CNIH3: variants seen among roughly 807,000 people sequenced by gnomAD.
CNIH3 encodes the protein cornichon family AMPA receptor auxiliary protein 3.
A neutral mutation model predicts 24.1 loss-of-function variants in CNIH3; 14 were observed. That is an observed-to-expected ratio of 0.58 (90% CI 0.38 to 0.91). The LOEUF (loss-of-function observed/expected upper bound fraction) is 0.91. CNIH3 is among the 40% of genes least tolerant of loss of function. The pLI is 0.00. For missense variants in CNIH3, 178 were observed against 196.8 expected (o/e 0.90, Z 0.57); for synonymous variants, 68 against 73.8 (o/e 0.92, Z 0.40).
intron 3 of CNIH3, among the ~76,000 whole-genome samples, chr1:224,605,918 A>G (rs1055873255): frequency 1.3e-5 from 2 of 152,194 alleles, no homozygotes; most frequent in African/African-American, 4.8e-5. Flanking sequence ...TGTCAATTAA[A>G]TGCTTTCTTT....
intron 1 of CNIH3, among the ~76,000 whole-genome samples, chr1:224,643,018 A>G (rs1238691632): frequency 6.6e-6 from 1 of 152,088 alleles, no homozygotes; most frequent in African/African-American, 2.4e-5. Flanking sequence ...AGGGTCCTCC[A>G]TTTCTGCCTG....
chr1:224,573,138 A>G (rs1680892206), intron 4 of CNIH3, among the ~76,000 whole-genome samples: 1 of 152,190 alleles, frequency 6.6e-6, no homozygotes, highest in African/African-American at 2.4e-5. Flanking sequence ...GTATTTTAGT[A>G]ACTTGAGTCT....
intron 1 of CNIH3, among the ~76,000 whole-genome samples, chr1:224,466,187 C>T (rs898774035): frequency 6.6e-6 from 1 of 152,224 alleles, no homozygotes; most frequent in African/African-American, 2.4e-5. Context: ...ATTGCCACCA[C>T]AATCAAGATA....
At chr1:224,461,774 C>G (rs1343595866) in intron 1 of CNIH3, among the ~76,000 whole-genome samples, 2 of 152,168 alleles carry the variant, frequency 1.3e-5, no homozygotes, top group Non-Finnish European at 2.9e-5. Flanking sequence ...AAAAGAAAAC[C>G]CATATCAATT....
At chr1:224,637,218 G>T (rs1453995024) in intron 1 of CNIH3, among the ~76,000 whole-genome samples, 2 of 152,126 alleles carry the variant, frequency 1.3e-5, no homozygotes, top group Non-Finnish European at 2.9e-5. Context: ...CTCCCAAAGT[G>T]CTGGGATTAC....
chr1:224,518,326 T>C (rs1315072685), intron 1 of CNIH3, among the ~76,000 whole-genome samples: 4 of 152,168 alleles, frequency 2.6e-5, no homozygotes, highest in Admixed American at 6.5e-5. Flanking sequence ...TGTCTTATTT[T>C]TTATTTTTAT....
chr1:224,709,306 T>C (rs1010058561), intron 3 of CNIH3, among the ~76,000 whole-genome samples: 2 of 152,232 alleles, frequency 1.3e-5, no homozygotes, highest in Non-Finnish European at 2.9e-5. Flanking sequence ...CTTCTAACCA[T>C]CTTGGGCATC....
rs114925902 is a variant in CNIH3 at position 224,680,350 on chromosome 1, G to T, written c.82-608G>T. On this transcript the variant is annotated intron_variant, in intron 1 of 5. Coordinates refer to ENST00000272133, the MANE Select transcript of CNIH3 (RefSeq NM_152495.2). ...TCTTTCCTCCAGGGATATCGGGAAA[G>T]TGTTGTTCTCTGGGGAGTTCTGAGT... 8.1e-3 allele frequency among the ~76,000 whole-genome samples: 1,239 copies of T among 152,318 alleles called. 11 individuals carry two copies. The highest frequency in any genetic ancestry group is 0.027 in the Middle Eastern group (8 of 294).
chr1:224,562,838 T>C (rs1680427693), intron 3 of CNIH3, among the ~76,000 whole-genome samples: 2 of 152,080 alleles, frequency 1.3e-5, no homozygotes, highest in African/African-American at 4.8e-5. Context: ...GAGCAGATGC[T>C]GGCGCAGTTC....
intron 3 of CNIH3, among the ~76,000 whole-genome samples, chr1:224,689,576 T>C (rs527378197): frequency 2.6e-5 from 4 of 152,252 alleles, no homozygotes; most frequent in African/African-American, 4.8e-5. Flanking sequence ...TGAGCACATG[T>C]TGGGGATGGC....
chr1:224,448,127 C>G (rs1675240361), intron 1 of CNIH3, among the ~76,000 whole-genome samples: 1 of 152,140 alleles, frequency 6.6e-6, no homozygotes, highest in Non-Finnish European at 1.5e-5. Flanking sequence ...GTCCCAGCTG[C>G]TTGGGAGGCT....
intron 5 of CNIH3, among the ~76,000 whole-genome samples, chr1:224,735,566 A>G (rs1689552432): frequency 6.6e-6 from 1 of 152,150 alleles, no homozygotes; most frequent in African/African-American, 2.4e-5. Context: ...AGGGGTCGGG[A>G]TGTTGGACTG....
intron 1 of CNIH3, among the ~76,000 whole-genome samples, chr1:224,516,866 C>A (rs1678410844): frequency 6.6e-6 from 1 of 152,056 alleles, no homozygotes; most frequent in South Asian, 2.1e-4. Context: ...TCCTTGTGAG[C>A]CCTTCCTGGC....
intron 1 of CNIH3, among the ~76,000 whole-genome samples, chr1:224,644,133 T>C (rs1397043821): frequency 6.6e-6 from 1 of 152,230 alleles, no homozygotes; most frequent in Non-Finnish European, 1.5e-5. Flanking sequence ...GCCTGCACAT[T>C]CAACGCATGC....
At chr1:224,487,281 G>T (rs1677065330) in intron 1 of CNIH3, among the ~76,000 whole-genome samples, 1 of 152,148 alleles carries the variant, frequency 6.6e-6, no homozygotes, top group Non-Finnish European at 1.5e-5. Flanking sequence ...GAGTTTATTT[G>T]TAGACAGGTT....
Position 224,558,086 on chromosome 1 carries a change from C to T in CNIH3, n.451-8113C>T, listed in dbSNP as rs1003302311. Among the ~76,000 whole-genome samples, 14 of 152,318 alleles carry T rather than the reference C, an allele frequency of 9.2e-5. No individual in the cohort carries two copies. The East Asian group carries it at 1.7e-3, about 19-fold the overall frequency. On this transcript the variant is annotated intron_variant and non_coding_transcript_variant, in intron 3 of 5. Coordinates refer to the CNIH3 transcript ENST00000471578. ...GGTAAACCATTTGGCCTGGGCTCAG[C>T]TGGGAAGTTCTTCTGCCAGTCTTGC...
intron 1 of CNIH3, among the ~76,000 whole-genome samples, chr1:224,509,154 C>A (rs113954945): frequency 0.079 from 11,959 of 152,144 alleles, 1,455 homozygotes; most frequent in African/African-American, 0.26. Context: ...GAAACCCCAT[C>A]TATACTAAAA....
intron 1 of CNIH3, among the ~76,000 whole-genome samples, chr1:224,520,492 A>G (rs567019523): frequency 6.6e-6 from 1 of 152,386 alleles, no homozygotes; most frequent in Admixed American, 6.5e-5. Context: ...TAGGTGGACA[A>G]CTAGTTCACA....
At chr1:224,619,783 A>C (rs1683193948) in intron 1 of CNIH3, among the ~76,000 whole-genome samples, 1 of 152,240 alleles carries the variant, frequency 6.6e-6, no homozygotes, top group African/African-American at 2.4e-5. Flanking sequence ...TCAGTACCCC[A>C]AAAAATGAAT....
Sources: allele counts gnomAD v4.1 joint callset (sites outside exome capture counted in the v4.1 genomes callset), GRCh38; gene constraint gnomAD v4.1.1; transcripts MANE v1.5; gene names NCBI Gene and HGNC (gene_info 2026-07-23, HGNC 2026-07-21).